Variants in GRM8 observed in about 807,000 individuals in gnomAD.
The protein encoded by GRM8 is metabotropic glutamate receptor 8.
Under a neutral mutation model 87.2 loss-of-function variants are expected in GRM8, and 47 were observed. The observed-to-expected ratio is 0.54, with a 90% CI of 0.43 to 0.69. The LOEUF is 0.69. Among genes scored for constraint, GRM8 ranks in the 30% least tolerant of loss-of-function variants. The pLI is 0.00. For synonymous variants in GRM8, 396 were observed against 404.5 expected (o/e 0.98, Z 0.25); for missense variants, 1,019 against 1,139.2 (o/e 0.89, Z 1.52).
At chr7:126,674,693 A>C (rs10254454) in intron 7 of GRM8, among the ~76,000 whole-genome samples, 1 of 152,306 alleles carries the variant, frequency 6.6e-6, no homozygotes, top group African/African-American at 2.4e-5. Context: ...AAAAAAAGAA[A>C]AATTAGAGTA....
At chr7:126,479,501 C>T (rs1292289430) in intron 9 of GRM8, among the ~76,000 whole-genome samples, 2 of 152,016 alleles carry the variant, frequency 1.3e-5, no homozygotes, top group East Asian at 1.9e-4. Context: ...TGCCTTCTTT[C>T]ATGTAGCATA....
At chr7:126,830,719 C>T (rs934799163) in intron 6 of GRM8, among the ~76,000 whole-genome samples, 15 of 152,334 alleles carry the variant, frequency 9.8e-5, no homozygotes, top group Admixed American at 3.9e-4. Flanking sequence ...AGTCATTCTC[C>T]GTCCAGCTTT....
chr7:126,574,859 G>A (rs1195358484), intron 8 of GRM8, among the ~76,000 whole-genome samples: 1 of 152,024 alleles, frequency 6.6e-6, no homozygotes, highest in Non-Finnish European at 1.5e-5. Flanking sequence ...TGACTGTTAA[G>A]GTGTGGACTC....
chr7:126,632,682 C>A (rs914497045), intron 7 of GRM8, among the ~76,000 whole-genome samples: 1 of 152,106 alleles, frequency 6.6e-6, no homozygotes, highest in Non-Finnish European at 1.5e-5. Flanking sequence ...TACATATACA[C>A]CATGGAATAC....
At chr7:126,716,446 T>A (rs142951856) in intron 7 of GRM8, among the ~76,000 whole-genome samples, 34 of 152,278 alleles carry the variant, frequency 2.2e-4, no homozygotes, top group African/African-American at 7.2e-4. Flanking sequence ...TAATAGTTAC[T>A]GTTTTTCTAT....
intron 2 of GRM8, among the ~76,000 whole-genome samples, chr7:127,191,805 T>C (rs1339358126): frequency 6.6e-6 from 1 of 152,196 alleles, no homozygotes; most frequent in Non-Finnish European, 1.5e-5. Flanking sequence ...TGCTGTAATA[T>C]GATGAAGAAT....
At chr7:126,711,982 C>A (rs1447989427) in intron 7 of GRM8, among the ~76,000 whole-genome samples, 1 of 152,202 alleles carries the variant, frequency 6.6e-6, no homozygotes, top group Admixed American at 6.5e-5. Flanking sequence ...TTCACTTTCT[C>A]ATCATTTGTG....
At chr7:126,689,751 T>A (rs1390722467) in intron 7 of GRM8, among the ~76,000 whole-genome samples, 1 of 152,208 alleles carries the variant, frequency 6.6e-6, no homozygotes, top group Non-Finnish European at 1.5e-5. Flanking sequence ...CAATAGCTAT[T>A]TTAATTATGT....
chr7:126,992,941 A>G (rs573575906), intron 3 of GRM8, among the ~76,000 whole-genome samples: 8 of 152,170 alleles, frequency 5.3e-5, no homozygotes, highest in Non-Finnish European at 1.2e-4. Context: ...TTACCTTCCC[A>G]GCACCTTTAT....
chr7:126,648,990 A>G (rs781339015), intron 7 of GRM8, among the ~76,000 whole-genome samples: 9 of 152,230 alleles, frequency 5.9e-5, no homozygotes, highest in Non-Finnish European at 1.2e-4. Flanking sequence ...TCTCATGATC[A>G]TAGACTCACT....
At chr7:127,180,168 T>C (rs573267431) in intron 2 of GRM8, among the ~76,000 whole-genome samples, 27 of 152,148 alleles carry the variant, frequency 1.8e-4, no homozygotes, top group African/African-American at 6.5e-4. Flanking sequence ...AGACAGGAGA[T>C]ATTACAACTG....
intron 9 of GRM8, among the ~76,000 whole-genome samples, chr7:126,456,895 G>A (rs1332511608): frequency 6.6e-6 from 1 of 151,514 alleles, no homozygotes; most frequent in South Asian, 2.1e-4. Context: ...GGCATGCTAG[G>A]ACACAAAAAC....
chr7:127,104,341 A>C (rs1033736646), intron 3 of GRM8, among the ~76,000 whole-genome samples: 1 of 152,212 alleles, frequency 6.6e-6, no homozygotes, highest in Non-Finnish European at 1.5e-5. Flanking sequence ...CAAATGTTAC[A>C]GAACTAATGA....
chr7:126,609,837 G>T (rs1798740280), intron 7 of GRM8, among the ~76,000 whole-genome samples: 1 of 152,236 alleles, frequency 6.6e-6, no homozygotes, highest in Non-Finnish European at 1.5e-5. Flanking sequence ...AGAGAAAAAT[G>T]TAAATGTTTT....
At chr7:127,013,427 C>T (rs1438720397) in intron 3 of GRM8, among the ~76,000 whole-genome samples, 1 of 151,222 alleles carries the variant, frequency 6.6e-6, no homozygotes, top group Non-Finnish European at 1.5e-5. Flanking sequence ...CTACCTAATC[C>T]ACAAAGGGGA....
chr7:126,539,883 T>C (rs1329739146), intron 8 of GRM8, among the ~76,000 whole-genome samples: 1 of 152,008 alleles, frequency 6.6e-6, no homozygotes, highest in Non-Finnish European at 1.5e-5. Flanking sequence ...TGTGACCTTG[T>C]GTTAGGCAGT....
At chr7:126,891,933 A>G (rs776756814) in intron 6 of GRM8, among the ~76,000 whole-genome samples, 6 of 144,674 alleles carry the variant, frequency 4.1e-5, no homozygotes, top group Admixed American at 1.4e-4. Context: ...AAGGAAGCCT[A>G]TTTGTGCCAG....
intron 6 of GRM8, among the ~76,000 whole-genome samples, chr7:126,880,712 C>T (rs948231184): frequency 4.6e-5 from 7 of 152,188 alleles, no homozygotes; most frequent in Non-Finnish European, 8.8e-5. Flanking sequence ...ATTTTTCATA[C>T]TTGTTGCCAC....
chr7:126,526,308 T>C (rs1207940152), intron 9 of GRM8, among the ~76,000 whole-genome samples: 1 of 152,206 alleles, frequency 6.6e-6, no homozygotes, highest in African/African-American at 2.4e-5. Flanking sequence ...TAACATAAAG[T>C]CATGGTCACT....
Sources: allele counts gnomAD v4.1 joint callset (sites outside exome capture counted in the v4.1 genomes callset), GRCh38; gene constraint gnomAD v4.1.1; transcripts MANE v1.5; gene names NCBI Gene and HGNC (gene_info 2026-07-23, HGNC 2026-07-21).